The following PTPRH variants were observed in gnomAD, a reference collection of about 807,000 sequenced individuals.
PTPRH encodes the protein receptor-type tyrosine-protein phosphatase H.
Under a neutral mutation model 130.2 loss-of-function variants are expected in PTPRH, and 113 were observed. The ratio of observed to expected loss-of-function variants is 0.87; its 90% CI spans 0.75 to 1.01. The LOEUF is 1.01. Ranked by LOEUF, PTPRH falls within the 50% of genes least tolerant of loss-of-function variation. The probability of loss-of-function intolerance (pLI) is 0.00; values close to 1 mark genes in which losing one functional copy is unlikely to be tolerated. For synonymous variants in PTPRH, 556 were observed against 577.9 expected (o/e 0.96, Z 0.54); for missense variants, 1,430 against 1,425.0 (o/e 1.00, Z -0.06).
At chr19:55,207,352 G>T (rs527943381) in intron 1 of PTPRH, 153 bp from the exon 2 acceptor site, 16 of 769,480 alleles carry the variant, frequency 2.1e-5, no homozygotes, top group Non-Finnish European at 2.9e-5. Context: ...TCACGACCTC[G>T]ACCGTCTTTC....
chr19:55,182,612 A>C (rs1194329642), intron 18 of PTPRH, among the ~76,000 whole-genome samples: 3 of 151,658 alleles, frequency 2.0e-5, no homozygotes, highest in Admixed American at 2.0e-4. Context: ...GGCCTTCTTC[A>C]CTCCTCCCAA....
intron 1 of PTPRH, among the ~76,000 whole-genome samples, chr19:55,208,130 C>T (rs2087128244): frequency 1.1e-5 from 1 of 88,290 alleles, no homozygotes; most frequent in Non-Finnish European, 2.1e-5. Context: ...GGCCTGGGGG[C>T]CTGGGGGCCT....
intron 1 of PTPRH, 57 bp from the exon 2 acceptor site, chr19:55,207,256 A>AG (rs2087099070): frequency 1.3e-6 from 2 of 1,579,854 alleles, no homozygotes; most frequent in Non-Finnish European, 1.7e-6. Flanking sequence ...CCGCCCAGTG[A>AG]GGCCGAGGGG....
Position 55,206,704 on chromosome 19 carries a change from C to T in PTPRH, c.337G>A (p.Val113Ile). Residue 113 changes from valine (V) to isoleucine (I), a missense_variant, in exon 3 of 20, where the codon GTC becomes ATC. Transcript: ENST00000376350. ...TGCCTCTTACCTGTGGCAGTAGTGA[C>T]AGTCCCCACAGAGCTATTTACTCCG... ...KDGVNSSVGT[V>I]TTATAPNPVR... is the part of the protein sequence containing the mutation. 1 of 1,600,732 alleles carries T rather than the reference C, an allele frequency of 6.2e-7. No individual in the cohort carries two copies. Among genetic ancestry groups the T allele is most frequent in the Non-Finnish European group, 8.5e-7 (1 of 1,169,836 alleles).
intron 8 of PTPRH, 54 bp from the exon 9 acceptor site, chr19:55,197,470 C>CA: frequency 6.6e-7 from 1 of 1,513,448 alleles, no homozygotes; most frequent in Non-Finnish European, 9.0e-7. Flanking sequence ...CCTCCTACCC[C>CA]AGCCTGTCTG....
At chr19:55,182,988 GT>G (rs1465053612) in intron 18 of PTPRH, among the ~76,000 whole-genome samples, 2 of 151,482 alleles carry the variant, frequency 1.3e-5, no homozygotes, top group Non-Finnish European at 2.9e-5. Flanking sequence ...TAGAGACGGG[GT>G]CTTGCCATGT....
chr19:55,201,827 C>T (rs968610962), intron 6 of PTPRH, among the ~76,000 whole-genome samples: 5 of 152,222 alleles, frequency 3.3e-5, no homozygotes, highest in African/African-American at 1.2e-4. Context: ...GCATTATGGT[C>T]CACATTCTAG....
intron 4 of PTPRH, among the ~76,000 whole-genome samples, chr19:55,204,254 G>A (rs1309810187): frequency 6.6e-6 from 1 of 152,056 alleles, no homozygotes; most frequent in Non-Finnish European, 1.5e-5. Context: ...CGAGTAGGTG[G>A]GACTACAGGT....
chr19:55,196,955 T>C (rs2086701934), intron 9 of PTPRH, among the ~76,000 whole-genome samples, 162 bp downstream of exon 9: 1 of 152,194 alleles, frequency 6.6e-6, no homozygotes, highest in South Asian at 2.1e-4. Flanking sequence ...AATAAGTCCT[T>C]TTAAACTACA....
In PTPRH at chr19:55,186,519, A is replaced by G. The variant is rs944606209; in HGVS notation, c.2588T>C (p.Leu863Pro). ...GCCTGGCTCCTCATGGATGGGCTTC[A>G]GGGGCACCCGGGACCAGTCATCTAG... ...VLPYDWSRVP[L>P]KPIHEEPGSD... Residue 863 changes from leucine to proline, a missense_variant, in exon 15 of 20, where the codon CTG (leucine) becomes CCG (proline). Physicochemically the swap from Leu to Pro is moderately conservative, Grantham distance 98. Transcript: ENST00000376350. 5 of 1,448,054 alleles carry G rather than the reference A, an allele frequency of 3.5e-6. No homozygotes were observed. The African/African-American group carries it at 1.4e-4, about 40-fold the overall frequency. The allele number at this position is 1,448,054 out of a possible 1,614,324, so 89.7% of individuals were successfully genotyped here. A position where few individuals can be genotyped will look rare whatever the true frequency, so the allele number is the denominator to read the frequency against.
chr19:55,206,298 CTTTTCTTTTG>C (rs139594340), intron 3 of PTPRH, among the ~76,000 whole-genome samples: 9,925 of 148,438 alleles, frequency 0.067, 346 homozygotes, highest in Admixed American at 0.089. Context: ...GTTTGTTTTT[CTTTTCTTTTG>C]TTTTCTTTTG....
intron 9 of PTPRH, 52 bp downstream of exon 9, chr19:55,197,065 G>C: frequency 6.3e-7 from 1 of 1,581,768 alleles, no homozygotes; most frequent in Non-Finnish European, 8.7e-7. Context: ...AGCTCGCAAG[G>C]ACTGTGAGCT....
Position 55,182,024 on chromosome 19 carries a change from G to C in PTPRH, c.3190C>G (p.Gln1064Glu), listed in dbSNP as rs768918412. The C allele has an allele frequency of 6.2e-7, 1 of 1,613,990 alleles. No homozygotes were observed. Among genetic ancestry groups the C allele is most frequent in the African/African-American group, 1.3e-5 (1 of 74,914 alleles). The change falls in exon 19 of 20, where the codon CAG (glutamine) becomes GAG (glutamate). Residue 1064 changes from glutamine to glutamate, a missense_variant. Physicochemically the swap from Gln to Glu is conservative, Grantham distance 29. Coordinates refer to ENST00000376350, the MANE Select transcript of PTPRH (RefSeq NM_002842.5). ...CTGAGGGACTGCCTCACCTCAGTCT[G>C]CACCATCAACGGCCGACTCTCTCTC... ...KMRESRPLMV[Q>E]TEAQYVFLHQ... is the part of the protein sequence containing the mutation.
rs376282534 is a variant in PTPRH, at chr19:55,206,931, G to C, written c.110C>G (p.Thr37Arg). Residue 37 changes from threonine to arginine, a missense_variant, in exon 3 of 20, where the codon ACA (threonine) becomes AGA (arginine). Transcript: ENST00000376350. ...APAPNPGRNL[T>R]VETQTTSSIS... ...GGAGCTGGTGGTCTGAGTCTCCACT[G>C]TCAGGTTCCTCCCTGGGTTGGGGGC... is the stretch of plus-strand genomic sequence containing the variant. The C allele has an allele frequency of 1.6e-5, 25 of 1,604,856 alleles. No individual in the cohort carries two copies. Among genetic ancestry groups the C allele is most frequent in the African/African-American group, 8.0e-5 (6 of 74,710 alleles).
rs371743074 is a variant in PTPRH at position 55,181,813 on chromosome 19, C to T, written c.3289G>A (p.Val1097Ile). 6.2e-7 allele frequency: 1 copy of T among 1,614,094 alleles called. No individual in the cohort carries two copies. The highest frequency in any genetic ancestry group is 1.3e-5 in the African/African-American group (1 of 74,950). ...PAEKEVPYED[V>I]ENLIYENVAA... is the part of the protein sequence containing the mutation. ...ACGTTCTCGTAGATGAGGTTTTCGA[C>T]ATCCTCATACGGGACTTCCTTCTCG... The change falls in exon 20 of 20, where the codon GTC (valine) becomes ATC (isoleucine). Residue 1097 changes from valine (V) to isoleucine (I), a missense_variant. By Grantham distance (29) the Val-to-Ile change is conservative. Coordinates refer to ENST00000376350, the MANE Select transcript of PTPRH (RefSeq NM_002842.5).
intron 16 of PTPRH, 114 bp from the exon 17 acceptor site, chr19:55,186,098 G>T (rs1482593558): frequency 1.3e-6 from 2 of 1,583,074 alleles, no homozygotes; most frequent in South Asian, 1.2e-5. Flanking sequence ...TGGGGAACAG[G>T]TCTACACTGA....
chr19:55,191,871 G>T, intron 10 of PTPRH, 130 bp from the exon 11 acceptor site: 1 of 827,890 alleles, frequency 1.2e-6, no homozygotes, highest in Non-Finnish European at 2.1e-6. Context: ...ACATCACACG[G>T]TGTGAATTGC....
At position 55,197,153 on chromosome 19, in the gene PTPRH, C is replaced by T. The variant is rs780026915; in HGVS notation, c.1954G>A (p.Val652Ile). ...CAGAGGCTCTGCGTGGAACTGGCTA[C>T]GTCATTCCTCTCTGCCCACACGGTG... is the stretch of plus-strand genomic sequence containing the variant. The part of the protein sequence containing the change: ...NFTVWAERND[V>I]ASSTQSLCAS... Residue 652 changes from valine to isoleucine, a missense_variant, in exon 9 of 20, where the codon GTA (valine) becomes ATA (isoleucine). Coordinates refer to ENST00000376350, the MANE Select transcript of PTPRH (RefSeq NM_002842.5). 11 of 1,614,138 alleles carry T rather than the reference C, an allele frequency of 6.8e-6. No individual in the cohort carries two copies. The highest frequency in any genetic ancestry group is 2.7e-5 in the African/African-American group (2 of 74,944).
intron 8 of PTPRH, among the ~76,000 whole-genome samples, chr19:55,198,311 G>A (rs576752397): frequency 1.4e-3 from 216 of 152,218 alleles, no homozygotes; most frequent in Non-Finnish European, 2.7e-3. Context: ...GGGCCCTCTC[G>A]CTTCATCTAA....
Sources: allele counts gnomAD v4.1 joint callset (sites outside exome capture counted in the v4.1 genomes callset), GRCh38; gene constraint gnomAD v4.1.1; transcripts MANE v1.5; gene names NCBI Gene and HGNC (gene_info 2026-07-23, HGNC 2026-07-21).